CALN1: variants seen among roughly 807,000 people sequenced by gnomAD.
CALN1 encodes the protein calcium-binding protein 8.
In CALN1, 17 loss-of-function variants were observed where a neutral mutation model predicts 30.6. That is an observed-to-expected ratio of 0.56 (90% CI 0.38 to 0.83). The LOEUF is 0.83. Ranked by LOEUF, CALN1 falls within the 40% of genes least tolerant of loss-of-function variation. CALN1 has a pLI of 0.00. For missense variants in CALN1, 291 were observed against 354.9 expected (o/e 0.82, Z 1.45); for synonymous variants, 156 against 131.4 (o/e 1.19, Z -1.28).
intron 4 of CALN1, among the ~76,000 whole-genome samples, chr7:72,095,984 A>G (rs1465133651): frequency 2.0e-5 from 3 of 152,088 alleles, no homozygotes; most frequent in South Asian, 2.1e-4. Context: ...GGCTGCAGTG[A>G]GCTATGATGA....
chr7:72,233,471 C>A (rs190959314), intron 3 of CALN1, among the ~76,000 whole-genome samples: 1 of 152,120 alleles, frequency 6.6e-6, no homozygotes, highest in Non-Finnish European at 1.5e-5. Context: ...ATCCCAACAA[C>A]TCAGGAGGCC....
chr7:72,072,374 T>C (rs1019209104), intron 4 of CALN1, among the ~76,000 whole-genome samples: 1 of 152,104 alleles, frequency 6.6e-6, no homozygotes, highest in Admixed American at 6.6e-5. Flanking sequence ...CAATGTGCTA[T>C]AAGAAAAAAA....
chr7:72,193,935 A>G (rs71551253), intron 3 of CALN1, among the ~76,000 whole-genome samples: 11 of 152,142 alleles, frequency 7.2e-5, no homozygotes, highest in Non-Finnish European at 4.4e-5. Context: ...TAAGAATAAT[A>G]CAATAAACTG....
chr7:72,319,264 A>G (rs886534896), intron 2 of CALN1, among the ~76,000 whole-genome samples: 2 of 152,220 alleles, frequency 1.3e-5, no homozygotes, highest in African/African-American at 4.8e-5. Flanking sequence ...GAGGTTCCAC[A>G]GACTCACGGT....
chr7:72,190,095 C>T (rs1790495128), intron 3 of CALN1, among the ~76,000 whole-genome samples: 1 of 152,154 alleles, frequency 6.6e-6, no homozygotes, highest in African/African-American at 2.4e-5. Flanking sequence ...GTGGTTCATG[C>T]CTGTAATCCC....
intron 4 of CALN1, among the ~76,000 whole-genome samples, chr7:72,030,624 T>C (rs1801375805): frequency 1.3e-5 from 2 of 152,132 alleles, no homozygotes; most frequent in Non-Finnish European, 2.9e-5. Context: ...ACTAAGTCCC[T>C]AAAAACCACT....
chr7:72,275,506 C>G (rs1003207886), intron 3 of CALN1, among the ~76,000 whole-genome samples: 3 of 152,204 alleles, frequency 2.0e-5, no homozygotes, highest in African/African-American at 7.2e-5. Flanking sequence ...ACAGTCATAA[C>G]TCAGTGTTCG....
rs150279396 is a variant in CALN1 at position 72,362,323 on chromosome 7, C to T, written c.119+40928G>A. 9.9e-5 allele frequency among the ~76,000 whole-genome samples: 15 copies of T among 152,266 alleles called. No homozygotes were observed. The East Asian group carries it at 2.9e-3, about 29-fold the overall frequency. On this transcript the variant is annotated intron_variant, in intron 2 of 6. Transcript: ENST00000395275. ...CCAGTGAAGATATAGAAGATTTCCA[C>T]CATGTACAGTCGCAAGAGTTTTGTA... is the stretch of plus-strand genomic sequence containing the variant.
At chr7:72,378,598 C>A (rs1356829810) in intron 2 of CALN1, among the ~76,000 whole-genome samples, 1 of 152,058 alleles carries the variant, frequency 6.6e-6, no homozygotes, top group African/African-American at 2.4e-5. Context: ...TTATTCTCTT[C>A]TTTTATACTG....
intron 2 of CALN1, among the ~76,000 whole-genome samples, chr7:72,364,326 ATAAT>A (rs1326231679): frequency 1.3e-5 from 2 of 152,218 alleles, no homozygotes; most frequent in Non-Finnish European, 2.9e-5. Context: ...CAGAGTCAAA[ATAAT>A]TAATGGGGAA....
chr7:71,893,197 G>C (rs372050587), intron 5 of CALN1, among the ~76,000 whole-genome samples: 2 of 152,100 alleles, frequency 1.3e-5, no homozygotes, highest in Non-Finnish European at 2.9e-5. Flanking sequence ...AGATATTTTT[G>C]GTTGTTTACC....
At chr7:72,282,855 A>C (rs1357672075) in intron 2 of CALN1, among the ~76,000 whole-genome samples, 1 of 152,120 alleles carries the variant, frequency 6.6e-6, no homozygotes, top group Non-Finnish European at 1.5e-5. Flanking sequence ...GGAGTTGGAC[A>C]CCAGCCTGGA....
At chr7:72,255,693 G>C (rs1200570750) in intron 3 of CALN1, among the ~76,000 whole-genome samples, 3 of 150,626 alleles carry the variant, frequency 2.0e-5, no homozygotes, top group African/African-American at 7.3e-5. Context: ...TGGGATTACA[G>C]CTGTGAGCCA....
Position 71,985,256 on chromosome 7 carries a change from G to A in CALN1, c.501+38401C>T, listed in dbSNP as rs117776122. Among the ~76,000 whole-genome samples the A allele has an allele frequency of 2.0e-3, 309 of 152,286 alleles. 6 individuals are homozygous for A. In the East Asian group the frequency reaches 0.048, roughly 24 times the overall value. On this transcript the variant is annotated intron_variant, in intron 5 of 6. Coordinates refer to ENST00000395275, the MANE Select transcript of CALN1 (RefSeq NM_031468.4). ...TATGAAATATCATTTCACACTCTGC[G>A]TATTGGCAAAGATTAAGTTACCAAG...
At chr7:72,302,374 A>C (rs527479129) in intron 2 of CALN1, among the ~76,000 whole-genome samples, 1 of 152,346 alleles carries the variant, frequency 6.6e-6, no homozygotes, top group African/African-American at 2.4e-5. Context: ...GATCATGCTG[A>C]CATTAAACTG....
rs1301455898 is a variant in CALN1 at position 72,412,022 on chromosome 7, GCTGAGCCCACCATGCTCTTTAGTTT to G, written c.-74+11_-74+35del. ...CTGGCCCAGCTGGGAACTGCATGCA[GCTGAGCCCACCATGCTCTTTAGTTT>G]CTGTGCCCACCTGTGTGCGGAATTT... On this transcript the variant is annotated intron_variant, in intron 1 of 6. Coordinates refer to ENST00000395275, the MANE Select transcript of CALN1 (RefSeq NM_031468.4). 6.6e-6 allele frequency: 1 copy of G among 152,194 alleles called. No individual in the cohort carries two copies. The highest frequency in any genetic ancestry group is 1.5e-5 in the Non-Finnish European group (1 of 68,046). 9.4% of individuals were successfully genotyped at this position (152,194 alleles called of 1,614,324 possible).
At chr7:72,057,299 A>T (rs1803320650) in intron 4 of CALN1, among the ~76,000 whole-genome samples, 1 of 151,764 alleles carries the variant, frequency 6.6e-6, no homozygotes, top group South Asian at 2.1e-4. Context: ...TCTCACTAAT[A>T]CTGATGGTAA....
chr7:72,404,423 T>C (rs954480579), intron 1 of CALN1, among the ~76,000 whole-genome samples: 2 of 152,008 alleles, frequency 1.3e-5, no homozygotes, highest in African/African-American at 4.8e-5. Flanking sequence ...CAAACAATAA[T>C]AAAGACAAAC....
At chr7:71,991,735 C>A (rs1197507732) in intron 5 of CALN1, among the ~76,000 whole-genome samples, 3 of 152,218 alleles carry the variant, frequency 2.0e-5, no homozygotes, top group Non-Finnish European at 4.4e-5. Flanking sequence ...GTGAGGCATT[C>A]TGCCTACAAT....
Sources: gnomAD v4.1 joint callset for allele counts (sites outside exome capture counted in the v4.1 genomes callset) on GRCh38, gnomAD v4.1.1 for gene constraint, MANE v1.5 for transcripts, NCBI Gene and HGNC (gene_info 2026-07-23, HGNC 2026-07-21) for gene names.